VWA5A: variants seen among roughly 807,000 people sequenced by gnomAD.
VWA5A encodes von Willebrand factor A domain containing 5A.
A neutral mutation model predicts 84.6 loss-of-function variants in VWA5A; 77 were observed. The observed-to-expected ratio is 0.91, with a 90% confidence interval of 0.76 to 1.10. VWA5A has a LOEUF of 1.10. VWA5A is among the 50% of genes least tolerant of loss of function. The pLI, the probability that VWA5A is intolerant of heterozygous loss-of-function variation, is 0.00. For synonymous variants in VWA5A, 334 were observed against 350.1 expected, an observed-to-expected ratio of 0.95 and a Z score of 0.51; for missense variants, 973 against 963.0, an observed-to-expected ratio of 1.01 and a Z score of -0.14.
chr11:124,142,723 AGTCAT>A (rs1168339769), intron 17 of VWA5A, 151 bp downstream of exon 17: 10 of 1,077,800 alleles, frequency 9.3e-6, no homozygotes, highest in Non-Finnish European at 1.3e-5. Flanking sequence ...AGGTTTTTCC[AGTCAT>A]GTTAGAGCAG....
intron 16 of VWA5A, 105 bp downstream of exon 16, chr11:124,141,846 G>A: frequency 7.0e-7 from 1 of 1,426,820 alleles, no homozygotes; most frequent in Non-Finnish European, 9.5e-7. Context: ...AGAGATGCAT[G>A]TTTCTCGAAG....
chr11:124,118,703 G>A lies in VWA5A; in HGVS notation c.640G>A (p.Ala214Thr), dbSNP rs760772498. ...TEYLGEDKTS[A>T]QVSLAAGHKF... is the part of the protein sequence containing the mutation. ...GTACCTAGGAGAGGACAAGACTTCT[G>A]CTCAGGTAGTTAATGAGAGAATACT... is the stretch of plus-strand genomic sequence containing the variant. The change falls in exon 6 of 19, where the codon GCT becomes ACT. Residue 214 changes from alanine to threonine, a missense_variant. Transcript: ENST00000456829. The A allele has an allele frequency of 5.6e-6, 9 of 1,613,346 alleles. No individual in the cohort carries two copies. Among genetic ancestry groups the A allele is most frequent in the Non-Finnish European group, 7.6e-6 (9 of 1,179,670 alleles).
Position 124,123,711 on chromosome 11 carries a change from G to C in VWA5A, c.1071G>C (p.Val357=). Reference sequence around the variant, plus strand: ...CAATGGAGGAGGCTCTGGGGAGAGTGAAGCTTATGCAGGCCGACCTAGGGG... The same window carrying C: ...CAATGGAGGAGGCTCTGGGGAGAGTCAAGCTTATGCAGGCCGACCTAGGGG... ...QQTMEEALGR[V]KLMQADLGGT... The change falls in exon 10 of 19, where the codon GTG becomes GTC. Residue 357 remains valine (V), a synonymous_variant. Coordinates refer to ENST00000456829, the MANE Select transcript of VWA5A (RefSeq NM_001130142.2). 6.2e-7 allele frequency: 1 copy of C among 1,613,698 alleles called. No homozygotes were observed. The highest frequency in any genetic ancestry group is 1.7e-5 in the Admixed American group (1 of 59,936).
At chr11:124,144,934 A>G (rs1033355943) in intron 17 of VWA5A, among the ~76,000 whole-genome samples, 9 of 152,196 alleles carry the variant, frequency 5.9e-5, no homozygotes, top group Non-Finnish European at 1.2e-4. Flanking sequence ...TTTATAAACT[A>G]TAAAGCAGTT....
In VWA5A at chr11:124,124,647, C is replaced by G. The variant is rs1350823588; in HGVS notation, c.1244+331C>G. 5.9e-6 allele frequency: 5 copies of G among 847,238 alleles called. No individual in the cohort carries two copies. The Admixed American group carries it at 2.8e-4, about 47-fold the overall frequency. 52.5% of individuals were successfully genotyped at this position (847,238 alleles called of 1,614,324 possible). On this transcript the variant is annotated intron_variant, in intron 11 of 18. Coordinates refer to ENST00000456829, the MANE Select transcript of VWA5A (RefSeq NM_001130142.2). The stretch of plus-strand genomic sequence containing the variant: ...CACAAATTATAAGCATACAACTGGA[C>G]TCATTATCACAGTGAATGCACTGTG...
At chr11:124,128,983 G>T (rs1865058865) in intron 11 of VWA5A, among the ~76,000 whole-genome samples, 1 of 152,064 alleles carries the variant, frequency 6.6e-6, no homozygotes, top group Non-Finnish European at 1.5e-5. Flanking sequence ...TCTTTCTCTT[G>T]CCTGATTGCC....
At chr11:124,124,039 A>C (rs1273516985) in intron 10 of VWA5A, among the ~76,000 whole-genome samples, 198 bp from the exon 11 acceptor site, 2 of 152,080 alleles carry the variant, frequency 1.3e-5, no homozygotes, top group Admixed American at 1.3e-4. Context: ...CTAGGAGGGG[A>C]GGTGCTAAAA....
chr11:124,142,727 A>G (rs763410221), intron 17 of VWA5A, among the ~76,000 whole-genome samples, 155 bp downstream of exon 17: 2 of 152,206 alleles, frequency 1.3e-5, no homozygotes, highest in Non-Finnish European at 2.9e-5. Context: ...TTTTCCAGTC[A>G]TGTTAGAGCA....
At chr11:124,145,806 G>A in intron 18 of VWA5A, 60 bp from the exon 19 acceptor site, 1 of 1,517,250 alleles carries the variant, frequency 6.6e-7, no homozygotes, top group Non-Finnish European at 8.9e-7. Flanking sequence ...GATCTGGGAG[G>A]TTTGGAGGAG....
intron 16 of VWA5A, 48 bp downstream of exon 16, chr11:124,141,789 A>G (rs950377822): frequency 6.9e-6 from 11 of 1,603,212 alleles, no homozygotes; most frequent in African/African-American, 5.4e-5. Context: ...TTTCTGTCAC[A>G]TATACAGGAC....
intron 15 of VWA5A, among the ~76,000 whole-genome samples, chr11:124,139,422 A>T (rs1211519717): frequency 6.6e-6 from 1 of 152,164 alleles, no homozygotes; most frequent in African/African-American, 2.4e-5. Flanking sequence ...CCAATCCAAG[A>T]ACATGAGATA....
In VWA5A at chr11:124,123,028, A is replaced by G. The variant is rs749486816; in HGVS notation, c.829A>G (p.Asn277Asp). Residue 277 changes from asparagine to aspartate, a missense_variant, in exon 8 of 19, where the codon AAT becomes GAT. Asn to Asp is a conservative substitution (Grantham distance 23, BLOSUM62 1). Coordinates refer to ENST00000456829, the MANE Select transcript of VWA5A (RefSeq NM_001130142.2). ...AAATATCCCAGAAGATCAACCATCAAATACCTGTGGAGAGTTTATCTTTCT... is the reference window on the plus strand; with the variant it reads ...AAATATCCCAGAAGATCAACCATCAGATACCTGTGGAGAGTTTATCTTTCT... ...YPNIPEDQPS[N>D]TCGEFIFLMD... is the part of the protein sequence containing the mutation. The G allele has an allele frequency of 5.6e-6, 9 of 1,614,040 alleles. No individual in the cohort carries two copies. Among genetic ancestry groups the G allele is most frequent in the African/African-American group, 2.7e-5 (2 of 74,912 alleles).
chr11:124,122,858 G>C lies in VWA5A; in HGVS notation c.761-102G>C, dbSNP rs1401310954. ...TGAATCATCACAGTGTTTTAGATTT[G>C]AGTTTTCCTAGCTCTTAATTGAATT... On this transcript the variant is annotated intron_variant, in intron 7 of 18. Transcript: ENST00000456829. 2.5e-6 allele frequency: 3 copies of C among 1,197,302 alleles called. No individual in the cohort carries two copies. In the African/African-American group the frequency reaches 4.6e-5, roughly 18 times the overall value. The allele number at this position is 1,197,302 out of a possible 1,614,324, so 74.2% of individuals were successfully genotyped here. A position where few individuals can be genotyped will look rare whatever the true frequency, so the allele number is the denominator to read the frequency against.
At chr11:124,140,549 G>A (rs561496214) in intron 15 of VWA5A, among the ~76,000 whole-genome samples, 1 of 151,904 alleles carries the variant, frequency 6.6e-6, no homozygotes, top group African/African-American at 2.4e-5. Flanking sequence ...CTGCAGCCTC[G>A]ATCTCTTGGG....
At position 124,136,268 on chromosome 11, in the gene VWA5A, A is replaced by C. The variant is rs1388401336; in HGVS notation, c.1499A>C (p.Tyr500Ser). 3 of 1,613,778 alleles carry C rather than the reference A, an allele frequency of 1.9e-6. No individual in the cohort carries two copies. The highest frequency in any genetic ancestry group is 2.5e-6 in the Non-Finnish European group (3 of 1,179,802). The change falls in exon 13 of 19, where the codon TAT becomes TCT. Residue 500 changes from tyrosine (Y) to serine (S), a missense_variant. Physicochemically the swap from Tyr to Ser is moderately radical, Grantham distance 144 (BLOSUM62 -2). Transcript: ENST00000456829. The stretch of plus-strand genomic sequence containing the variant: ...TTTAGGGGTCAGAGATTAATCAGCT[A>C]TGCCCAGCTGACCGGGAGGATGCCA... The part of the protein sequence containing the change: ...VIFRGQRLIS[Y>S]AQLTGRMPAA...
intron 10 of VWA5A, 125 bp from the exon 11 acceptor site, chr11:124,124,112 T>C (rs1864979851): frequency 1.0e-6 from 1 of 973,372 alleles, no homozygotes; most frequent in South Asian, 1.5e-5. Context: ...CATTAGGGAT[T>C]TCATGCCTCT....
At chr11:124,125,914 A>C (rs1304005606) in intron 11 of VWA5A, among the ~76,000 whole-genome samples, 1 of 152,230 alleles carries the variant, frequency 6.6e-6, no homozygotes, top group Non-Finnish European at 1.5e-5. Context: ...GTCCTGTTAA[A>C]AAGTCTTTCC....
intron 14 of VWA5A, 83 bp downstream of exon 14, chr11:124,136,757 C>A (rs1053911962): frequency 7.0e-6 from 5 of 712,578 alleles, no homozygotes; most frequent in African/African-American, 2.2e-5. Flanking sequence ...TCATTCCCTC[C>A]CTCCCTCCCT....
intron 18 of VWA5A, 28 bp downstream of exon 18, chr11:124,145,391 C>A: frequency 6.3e-7 from 1 of 1,581,704 alleles, no homozygotes; most frequent in Non-Finnish European, 8.6e-7. Context: ...AGGCCTGTCT[C>A]CTTCCCCTTC....
Sources: gnomAD v4.1 joint callset for allele counts (sites outside exome capture counted in the v4.1 genomes callset) on GRCh38, gnomAD v4.1.1 for gene constraint, MANE v1.5 for transcripts, NCBI Gene and HGNC (gene_info 2026-07-23, HGNC 2026-07-21) for gene names.